Variants in TBL1XR1 observed in about 807,000 individuals in gnomAD.
The protein encoded by TBL1XR1 is TBL1X/Y related 1.
TBL1XR1 carries 5 observed loss-of-function variants against 66.9 expected under a neutral mutation model. The observed-to-expected ratio is 0.07, with a 90% CI of 0.04 to 0.16. TBL1XR1 has a LOEUF of 0.16. Among genes scored for constraint, TBL1XR1 ranks in the 10% least tolerant of loss-of-function variants. TBL1XR1 has a pLI of 1.00. For synonymous variants in TBL1XR1, 210 were observed against 206.0 expected (o/e 1.02, Z -0.17); for missense variants, 238 against 623.2 (o/e 0.38, Z 6.58).
intron 1 of TBL1XR1, among the ~76,000 whole-genome samples, chr3:177,146,029 T>TACAA (rs981753218): frequency 2.0e-5 from 3 of 152,224 alleles, no homozygotes; most frequent in African/African-American, 7.2e-5. Context: ...ACCTACTTAA[T>TACAA]ACAACTGTCT....
At chr3:177,177,690 C>A (rs1265772416) in intron 1 of TBL1XR1, among the ~76,000 whole-genome samples, 1 of 152,116 alleles carries the variant, frequency 6.6e-6, no homozygotes, top group Non-Finnish European at 1.5e-5. Flanking sequence ...ATTTCCAGTA[C>A]TCTAATTATA....
chr3:177,163,608 T>C (rs912491854), intron 1 of TBL1XR1, among the ~76,000 whole-genome samples: 2 of 152,142 alleles, frequency 1.3e-5, no homozygotes, highest in African/African-American at 4.8e-5. Flanking sequence ...TACCCTAATA[T>C]TTGTATTTAA....
chr3:177,086,252 TA>T (rs1722105297), intron 2 of TBL1XR1, among the ~76,000 whole-genome samples: 2 of 152,010 alleles, frequency 1.3e-5, no homozygotes, highest in Admixed American at 1.3e-4. Context: ...ATCAATAGTT[TA>T]AAATTGAGAT....
chr3:177,105,697 G>T (rs755610873), intron 1 of TBL1XR1, among the ~76,000 whole-genome samples: 1 of 152,132 alleles, frequency 6.6e-6, no homozygotes, highest in East Asian at 1.9e-4. Flanking sequence ...TAACTATGAC[G>T]TGGTGAGCCC....
At chr3:177,159,882 G>A (rs1731966044) in intron 1 of TBL1XR1, among the ~76,000 whole-genome samples, 1 of 152,152 alleles carries the variant, frequency 6.6e-6, no homozygotes, top group Admixed American at 6.5e-5. Context: ...GTAAAATTTA[G>A]GATGTCTATT....
intron 1 of TBL1XR1, among the ~76,000 whole-genome samples, chr3:177,135,312 T>TGTGTGTGTGTGTGA: frequency 1.3e-5 from 1 of 78,350 alleles, no homozygotes; most frequent in Non-Finnish European, 2.5e-5. Context: ...GCACTCTGTG[T>TGTGTGTGTGTGTGA]GTGTGTGTGT....
intron 1 of TBL1XR1, among the ~76,000 whole-genome samples, 185 bp downstream of exon 1, chr3:177,196,936 C>T (rs1298382102): frequency 6.6e-6 from 1 of 151,726 alleles, no homozygotes; most frequent in African/African-American, 2.4e-5. Flanking sequence ...TGGGGGCGCC[C>T]CAAGTGCCCT....
chr3:177,043,099 G>A (rs910458343), intron 10 of TBL1XR1, among the ~76,000 whole-genome samples: 1 of 151,960 alleles, frequency 6.6e-6, no homozygotes, highest in Non-Finnish European at 1.5e-5. Context: ...CTGAGTACTT[G>A]GGCTCTTCCA....
At position 177,045,993 on chromosome 3, in the gene TBL1XR1, CAT is replaced by C. The variant is rs559308470; in HGVS notation, c.925+134_925+135del. ...AATTAAGAGTCTGAATGTCATGGAA[CAT>C]CAACTCTCCAAAGGACTAGTAACAA... On this transcript the variant is annotated intron_variant, in intron 10 of 15. Coordinates refer to ENST00000457928, the MANE Select transcript of TBL1XR1 (RefSeq NM_024665.7). 4,892 of 635,498 alleles carry C rather than the reference CAT, an allele frequency of 7.7e-3. 55 individuals are homozygous for C. Among genetic ancestry groups the C allele is most frequent in the Non-Finnish European group, 7.7e-3 (2,919 of 379,926 alleles). The allele number at this position is 635,498 out of a possible 1,614,324, so 39.4% of individuals were successfully genotyped here.
intron 1 of TBL1XR1, among the ~76,000 whole-genome samples, chr3:177,134,145 A>T (rs1315373132): frequency 6.6e-6 from 1 of 152,184 alleles, no homozygotes; most frequent in East Asian, 1.9e-4. Context: ...ACCACTGCCA[A>T]GTCAGCCCAC....
intron 1 of TBL1XR1, among the ~76,000 whole-genome samples, chr3:177,168,582 A>G (rs1319841632): frequency 6.6e-6 from 1 of 152,148 alleles, no homozygotes; most frequent in East Asian, 1.9e-4. Flanking sequence ...ACGTCCGGCC[A>G]TGAACCGTTT....
intron 1 of TBL1XR1, among the ~76,000 whole-genome samples, chr3:177,156,370 G>C (rs1033974852): frequency 6.7e-6 from 1 of 149,166 alleles, no homozygotes; most frequent in Non-Finnish European, 1.5e-5. Flanking sequence ...GTGGTGGCGG[G>C]CGCCTGTAAT....
chr3:177,028,753 A>G (rs891551771), intron 14 of TBL1XR1, among the ~76,000 whole-genome samples: 2 of 152,238 alleles, frequency 1.3e-5, no homozygotes, highest in African/African-American at 4.8e-5. Flanking sequence ...GGATGACTAA[A>G]GTGGCAAGAA....
intron 1 of TBL1XR1, chr3:177,164,112 G>A (rs1373497307): frequency 2.0e-5 from 3 of 152,116 alleles, no homozygotes; most frequent in African/African-American, 7.2e-5. Context: ...ACACGCATAC[G>A]CTCAGCAACA....
At chr3:177,179,117 CAAAAAA>C (rs71178099) in intron 1 of TBL1XR1, among the ~76,000 whole-genome samples, 58 of 107,446 alleles carry the variant, frequency 5.4e-4, no homozygotes, top group African/African-American at 2.4e-3. Flanking sequence ...AACTACGTCT[CAAAAAA>C]AAAAAAAAAA....
intron 1 of TBL1XR1, among the ~76,000 whole-genome samples, chr3:177,186,825 C>A (rs1039922702): frequency 1.4e-4 from 22 of 152,294 alleles, no homozygotes; most frequent in African/African-American, 4.8e-4. Flanking sequence ...GTGTCTCACA[C>A]CTGTAATCCC....
chr3:177,089,017 T>A (rs559715897), intron 2 of TBL1XR1, among the ~76,000 whole-genome samples: 1 of 152,342 alleles, frequency 6.6e-6, no homozygotes, highest in East Asian at 1.9e-4. Flanking sequence ...TGTACCACAC[T>A]CTTTCTCGGC....
chr3:177,033,163 TTTA>T, intron 13 of TBL1XR1, 27 bp from the exon 14 acceptor site: 4 of 1,494,308 alleles, frequency 2.7e-6, no homozygotes, highest in Non-Finnish European at 3.6e-6. Context: ...AGAAAGTTAA[TTTA>T]TAAGTAAGGA....
chr3:177,131,607 T>G (rs567121751), intron 1 of TBL1XR1, among the ~76,000 whole-genome samples: 1 of 150,836 alleles, frequency 6.6e-6, no homozygotes, highest in South Asian at 2.1e-4. Flanking sequence ...GCTTCTCAGG[T>G]TCAAGTGATT....
Sources: gnomAD v4.1 joint callset for allele counts (sites outside exome capture counted in the v4.1 genomes callset) on GRCh38, gnomAD v4.1.1 for gene constraint, MANE v1.5 for transcripts, NCBI Gene and HGNC (gene_info 2026-07-23, HGNC 2026-07-21) for gene names.